LAMP1: variants seen among roughly 807,000 people sequenced by gnomAD.
LAMP1 encodes lysosome associated membrane protein 1, also known as lysosome-associated membrane glycoprotein 1.
Under a neutral mutation model 37.5 loss-of-function variants are expected in LAMP1, and 7 were observed. The observed-to-expected ratio is 0.19, with a 90% CI of 0.11 to 0.35. LAMP1 has a LOEUF of 0.35. Among genes scored for constraint, LAMP1 ranks in the 10% least tolerant of loss-of-function variants. The pLI is 1.00. For missense variants in LAMP1, 537 were observed against 552.8 expected (o/e 0.97, Z 0.29); for synonymous variants, 236 against 229.1 (o/e 1.03, Z -0.27).
At chr13:113,300,219 G>T (rs951177495) in intron 1 of LAMP1, among the ~76,000 whole-genome samples, 3 of 152,190 alleles carry the variant, frequency 2.0e-5, no homozygotes, top group Non-Finnish European at 4.4e-5. Context: ...AGTGGTTCAC[G>T]CCTGTAATCT....
chr13:113,313,561 A>G (rs1051899916), intron 4 of LAMP1, among the ~76,000 whole-genome samples: 2 of 150,726 alleles, frequency 1.3e-5, no homozygotes, highest in African/African-American at 2.4e-5. Context: ...AGAGGGAGTC[A>G]GTGTGGAGAT....
chr13:113,309,287 G>C (rs966393343), intron 2 of LAMP1, among the ~76,000 whole-genome samples: 15 of 152,118 alleles, frequency 9.9e-5, no homozygotes, highest in South Asian at 4.1e-4. Flanking sequence ...TTTTTGTAGA[G>C]ATGGGGTCTT....
chr13:113,306,834 C>CTTTTTT (rs780041684), intron 2 of LAMP1, among the ~76,000 whole-genome samples: 2,223 of 80,052 alleles, frequency 0.028, 519 homozygotes, highest in African/African-American at 0.052. Flanking sequence ...GAACATTTTC[C>CTTTTTT]TTTTTTTTTT....
Position 113,321,299 on chromosome 13 carries a change from C to A in LAMP1, c.877-105C>A. The A allele has an allele frequency of 1.1e-6, 1 of 931,376 alleles. No homozygotes were observed. The highest frequency in any genetic ancestry group is 1.3e-5 in the South Asian group (1 of 75,706). The allele number at this position is 931,376 out of a possible 1,614,324, so 57.7% of individuals were successfully genotyped here. On this transcript the variant is annotated intron_variant, in intron 6 of 8. Transcript: ENST00000332556. This position sits in a 1 kb window ranked among gnomAD's most constrained non-coding sequence, Gnocchi z 5.6. ...GAAATGTAGGAAGTCAGGTTTATTA[C>A]CCAATGACCATTCACGTTTGATGAT...
chr13:113,308,694 A>G (rs2042613521), intron 2 of LAMP1, among the ~76,000 whole-genome samples: 1 of 152,122 alleles, frequency 6.6e-6, no homozygotes, highest in African/African-American at 2.4e-5. Context: ...GATTTTTTAA[A>G]TATTCTATTA....
In LAMP1 at chr13:113,319,676, T is replaced by TG; in HGVS notation, c.750+23dup. ...AACACGGTAGGGCTGGGGCCTCACC[T>TG]GGGAGAGGGGGACGGCACGGTAGGG... On this transcript the variant is annotated intron_variant, in intron 5 of 8. Coordinates refer to ENST00000332556, the MANE Select transcript of LAMP1 (RefSeq NM_005561.4). 6.2e-7 allele frequency: 1 copy of TG among 1,602,216 alleles called. No homozygotes were observed. Among genetic ancestry groups the TG allele is most frequent in the African/African-American group, 1.3e-5 (1 of 74,926 alleles).
intron 4 of LAMP1, among the ~76,000 whole-genome samples, chr13:113,319,179 G>T (rs112420989): frequency 0.029 from 4,373 of 152,322 alleles, 91 homozygotes; most frequent in Non-Finnish European, 0.043. Flanking sequence ...GGGGCTTGGG[G>T]TGTGGTGGGC....
At chr13:113,303,161 C>T (rs1159389879) in intron 1 of LAMP1, among the ~76,000 whole-genome samples, 1 of 152,204 alleles carries the variant, frequency 6.6e-6, no homozygotes, top group African/African-American at 2.4e-5. Context: ...TCTCCTCCTG[C>T]TCGTGGGTGC....
Position 113,320,889 on chromosome 13 carries a change from T to A in LAMP1, c.876+419T>A, listed in dbSNP as rs948988538. ...AATGAATTAACAGTTCAGTTTCTTA[T>A]AATTTTAGCTTTCCAAATCATGCTT... On this transcript the variant is annotated intron_variant, in intron 6 of 8. Transcript: ENST00000332556. The surrounding 1 kb of genome is among the most constrained non-coding windows in gnomAD (Gnocchi z 4.4). 15 of 213,414 alleles carry A rather than the reference T, an allele frequency of 7.0e-5. No homozygotes were observed. Among genetic ancestry groups the A allele is most frequent in the Non-Finnish European group, 1.4e-4 (15 of 105,538 alleles). The allele number at this position is 213,414 out of a possible 1,614,324, so 13.2% of individuals were successfully genotyped here.
chr13:113,310,749 T>C lies in LAMP1; in HGVS notation c.444T>C (p.Asp148=), dbSNP rs2042626402. The C allele has an allele frequency of 1.2e-6, 2 of 1,613,198 alleles. No homozygotes were observed. Residue 148 remains aspartate, a synonymous_variant, in exon 4 of 9, where the codon GAT becomes GAC. Transcript: ENST00000332556. ...AATCTATAACTGACATCAGGGCAGA[T>C]ATAGATAAAAAATACAGATGTGTTA... ...TVESITDIRA[D]IDKKYRCVSG...
chr13:113,312,377 T>G (rs1020004650), intron 4 of LAMP1, among the ~76,000 whole-genome samples: 1 of 152,244 alleles, frequency 6.6e-6, no homozygotes, highest in African/African-American at 2.4e-5. Flanking sequence ...TATTTACACA[T>G]TATCTGTGGC....
chr13:113,307,795 T>TG (rs147832647), intron 2 of LAMP1, among the ~76,000 whole-genome samples: 1 of 116,798 alleles, frequency 8.6e-6, no homozygotes, highest in Non-Finnish European at 1.7e-5. Context: ...TATCTCTTTT[T>TG]TAAAAAAAAA....
chr13:113,301,995 A>G (rs1426353055), intron 1 of LAMP1, among the ~76,000 whole-genome samples: 12 of 144,206 alleles, frequency 8.3e-5, no homozygotes, highest in Non-Finnish European at 1.8e-4. Context: ...CCCGAGTACC[A>G]GGGATTACAG....
In LAMP1 at chr13:113,312,561, C is replaced by T. The variant is rs565293282; in HGVS notation, c.562+1694C>T. 3.0e-3 allele frequency among the ~76,000 whole-genome samples: 460 copies of T among 152,292 alleles called. 3 individuals are homozygous for T. The highest frequency in any genetic ancestry group is 0.013 in the South Asian group (62 of 4,832). On this transcript the variant is annotated intron_variant, in intron 4 of 8. Transcript: ENST00000332556. ...GTGTGACTGGGACTTGATGGGGCCA[C>T]GTGGGCTCCCATAGGGGAGGCTTGG...
At chr13:113,308,395 C>T (rs57380910) in intron 2 of LAMP1, among the ~76,000 whole-genome samples, 7,679 of 132,780 alleles carry the variant, frequency 0.058, 576 homozygotes, top group African/African-American at 0.17. Flanking sequence ...TACAATGGCG[C>T]GTTCTTGGCT....
At chr13:113,299,958 T>C (rs1255461739) in intron 1 of LAMP1, among the ~76,000 whole-genome samples, 1 of 149,292 alleles carries the variant, frequency 6.7e-6, no homozygotes, top group East Asian at 1.9e-4. Flanking sequence ...AAATCCTTTT[T>C]TCTTAAAAAA....
Position 113,321,775 on chromosome 13 carries a change from C to G in LAMP1, c.1114+48C>G. 1.3e-6 allele frequency: 2 copies of G among 1,578,820 alleles called. No individual in the cohort carries two copies. Among genetic ancestry groups the G allele is most frequent in the East Asian group, 2.2e-5 (1 of 44,680 alleles). On this transcript the variant is annotated intron_variant, in intron 8 of 8. Coordinates refer to ENST00000332556, the MANE Select transcript of LAMP1 (RefSeq NM_005561.4). The surrounding 1 kb of genome is among the most constrained non-coding windows in gnomAD (Gnocchi z 5.6). The stretch of plus-strand genomic sequence containing the variant: ...GTCGCGGGGTGTGGAGGACGTGCTT[C>G]AGACTCCGCCTGTGGACGTTTAGTC...
chr13:113,314,903 T>C (rs1156250102), intron 4 of LAMP1, among the ~76,000 whole-genome samples: 144 of 44,884 alleles, frequency 3.2e-3, no homozygotes, highest in African/African-American at 3.6e-3. Flanking sequence ...CTAGAGGGAG[T>C]CAGTGTGGAG....
Position 113,321,247 on chromosome 13 carries a change from A to G in LAMP1, c.877-157A>G. ...ATACACAACGCCTTTTATAGACAAG[A>G]TCTTTTGCAGTTTTGTTCTAATACT... is the stretch of plus-strand genomic sequence containing the variant. On this transcript the variant is annotated intron_variant, in intron 6 of 8. Coordinates refer to ENST00000332556, the MANE Select transcript of LAMP1 (RefSeq NM_005561.4). This position sits in a 1 kb window ranked among gnomAD's most constrained non-coding sequence, Gnocchi z 5.6. 2.9e-6 allele frequency: 2 copies of G among 697,310 alleles called. No individual in the cohort carries two copies. Among genetic ancestry groups the G allele is most frequent in the South Asian group, 3.4e-5 (2 of 58,008 alleles). 43.2% of individuals were successfully genotyped at this position (697,310 alleles called of 1,614,324 possible).
Sources: allele counts gnomAD v4.1 joint callset (sites outside exome capture counted in the v4.1 genomes callset), GRCh38; gene constraint gnomAD v4.1.1; non-coding constraint Gnocchi (gnomAD v3.1); transcripts MANE v1.5; gene names NCBI Gene and HGNC (gene_info 2026-07-23, HGNC 2026-07-21).